Variants in ANKS6 observed in about 807,000 individuals in gnomAD.
ANKS6 encodes the protein ankyrin repeat and sterile alpha motif domain containing 6, also known as ankyrin repeat and SAM domain-containing protein 6.
A neutral mutation model predicts 77.9 loss-of-function variants in ANKS6; 47 were observed. That is an observed-to-expected ratio of 0.60 (90% CI 0.48 to 0.77). The LOEUF is 0.77. Ranked by LOEUF, ANKS6 falls within the 30% of genes least tolerant of loss-of-function variation. The pLI, the probability that ANKS6 is intolerant of heterozygous loss-of-function variation, is 0.00. For missense variants in ANKS6, 1,150 were observed against 1,159.1 expected (o/e 0.99, Z 0.11); for synonymous variants, 488 against 501.7 (o/e 0.97, Z 0.37).
intron 11 of ANKS6, 133 bp from the exon 12 acceptor site, chr9:98,756,736 CT>C: frequency 1.3e-6 from 1 of 757,134 alleles, no homozygotes; most frequent in Non-Finnish European, 1.9e-6. Flanking sequence ...ATGAAATCTA[CT>C]TTTAAAAACA....
At chr9:98,782,155 A>G (rs1258075373) in intron 5 of ANKS6, among the ~76,000 whole-genome samples, 6 of 152,192 alleles carry the variant, frequency 3.9e-5, no homozygotes, top group Non-Finnish European at 7.3e-5. Context: ...CTGGCTGTGA[A>G]GCACAGATGC....
chr9:98,764,848 C>A (rs1383480830), intron 11 of ANKS6, among the ~76,000 whole-genome samples: 2 of 152,136 alleles, frequency 1.3e-5, no homozygotes, highest in African/African-American at 4.8e-5. Flanking sequence ...TATTCTAACA[C>A]CTTTGTCAGA....
At chr9:98,777,557 G>A (rs1833986778) in intron 7 of ANKS6, 103 bp from the exon 8 acceptor site, 6 of 988,842 alleles carry the variant, frequency 6.1e-6, no homozygotes, top group Non-Finnish European at 9.4e-6. Flanking sequence ...AACTCTCCTG[G>A]GTGCTTAAAT....
At chr9:98,767,246 C>T (rs1317309483) in intron 11 of ANKS6, among the ~76,000 whole-genome samples, 1 of 152,188 alleles carries the variant, frequency 6.6e-6, no homozygotes, top group Non-Finnish European at 1.5e-5. Flanking sequence ...CTCTGTCCTG[C>T]TCATGTCCTT....
Position 98,796,516 on chromosome 9 carries a change from C to A in ANKS6, c.-25G>T. ...TCGCCGCCGCCACGCGCGGCCCGCTCCCGTCCGCCCCGCCGGCCGCGTCGG... is the reference window on the plus strand; with the variant it reads ...TCGCCGCCGCCACGCGCGGCCCGCTACCGTCCGCCCCGCCGGCCGCGTCGG... On this transcript the variant is annotated 5_prime_UTR_variant, in exon 1 of 15. Coordinates refer to ENST00000353234, the MANE Select transcript of ANKS6 (RefSeq NM_173551.5). 1.0e-6 allele frequency: 1 copy of A among 983,390 alleles called. No individual in the cohort carries two copies. Among genetic ancestry groups the A allele is most frequent in the Non-Finnish European group, 1.2e-6 (1 of 829,282 alleles). The allele number at this position is 983,390 out of a possible 1,614,324, so 60.9% of individuals were successfully genotyped here.
In ANKS6 at chr9:98,734,514, CT is replaced by C; in HGVS notation, c.*2004del. The stretch of plus-strand genomic sequence containing the variant: ...ACAATTCTAGGCCTACTGTTAACCC[CT>C]GAAGCCATCAGTAAATTAAAACAAG... On this transcript the variant is annotated 3_prime_UTR_variant, in exon 15 of 15. Coordinates refer to ENST00000353234, the MANE Select transcript of ANKS6 (RefSeq NM_173551.5). 1.0e-6 allele frequency: 1 copy of C among 985,452 alleles called. No individual in the cohort carries two copies. Among genetic ancestry groups the C allele is most frequent in the Non-Finnish European group, 1.2e-6 (1 of 829,942 alleles). 61.0% of individuals were successfully genotyped at this position (985,452 alleles called of 1,614,324 possible).
intron 9 of ANKS6, among the ~76,000 whole-genome samples, chr9:98,771,446 G>T (rs559948161): frequency 2.0e-5 from 3 of 152,142 alleles, no homozygotes; most frequent in African/African-American, 7.2e-5. Flanking sequence ...GCCTGCTTCC[G>T]TGATGCTGCC....
In ANKS6 at chr9:98,784,793, TATTCTTAAATATCCAAAAA is replaced by T. The variant is rs1834472448; in HGVS notation, c.907+20_907+38del. 6.4e-7 allele frequency: 1 copy of T among 1,565,838 alleles called. No homozygotes were observed. Among genetic ancestry groups the T allele is most frequent in the African/African-American group, 1.4e-5 (1 of 73,628 alleles). ...ATTAGGTTGGGAGAATGTAGCCCTA[TATTCTTAAATATCCAAAAA>T]GATTTTCTAAAGCGCTTACCCATTT... On this transcript the variant is annotated intron_variant, in intron 3 of 14. Coordinates refer to ENST00000353234, the MANE Select transcript of ANKS6 (RefSeq NM_173551.5).
chr9:98,779,602 G>A (rs1002704593), intron 6 of ANKS6, among the ~76,000 whole-genome samples: 5 of 151,026 alleles, frequency 3.3e-5, no homozygotes, highest in African/African-American at 7.3e-5. Flanking sequence ...TTGTTCTGTC[G>A]CCCAGGCTGG....
chr9:98,741,533 C>A (rs755110759), intron 14 of ANKS6, among the ~76,000 whole-genome samples: 4 of 152,212 alleles, frequency 2.6e-5, no homozygotes, highest in African/African-American at 4.8e-5. Flanking sequence ...TAAAAAAATT[C>A]TTTTCACCAT....
In ANKS6 at chr9:98,745,643, G is replaced by A. The variant is rs770745613; in HGVS notation, c.2427C>T (p.Asp809=). The A allele has an allele frequency of 9.9e-6, 16 of 1,614,032 alleles. No individual in the cohort carries two copies. The highest frequency in any genetic ancestry group is 6.6e-5 in the South Asian group (6 of 91,080). The change falls in exon 14 of 15, where the codon GAC becomes GAT. Residue 809 remains aspartate, a synonymous_variant. Coordinates refer to ENST00000353234, the MANE Select transcript of ANKS6 (RefSeq NM_173551.5). ...VDMEAFLTLT[D]GDLKELGIKT... Reference sequence around the variant, plus strand: ...TAATTCCCAGCTCCTTCAAGTCACCGTCAGTCAGTGTGAGGAACGCTTCCA... The same window carrying A: ...TAATTCCCAGCTCCTTCAAGTCACCATCAGTCAGTGTGAGGAACGCTTCCA...
At chr9:98,741,660 C>T (rs966790212) in intron 14 of ANKS6, among the ~76,000 whole-genome samples, 13 of 152,148 alleles carry the variant, frequency 8.5e-5, no homozygotes, top group African/African-American at 3.1e-4. Flanking sequence ...TCTGGTAAAC[C>T]TCCAATATAT....
Position 98,736,561 on chromosome 9 carries a change from A to G in ANKS6, c.2574T>C (p.Ser858=), listed in dbSNP as rs747452300. The G allele has an allele frequency of 1.2e-6, 2 of 1,613,752 alleles. No individual in the cohort carries two copies. Among genetic ancestry groups the G allele is most frequent in the East Asian group, 2.2e-5 (1 of 44,872 alleles). ...IHNFHSSFES[S]ASNTRAPGNS... Reference sequence around the variant, plus strand: ...TGCCAGGGGCCCTGGTGTTGCTGGCACTGCTCTCAAAGGAAGAGTGAAAGT... The same window carrying G: ...TGCCAGGGGCCCTGGTGTTGCTGGCGCTGCTCTCAAAGGAAGAGTGAAAGT... Residue 858 remains serine (S), a synonymous_variant, in exon 15 of 15, where the codon AGT becomes AGC. Coordinates refer to ENST00000353234, the MANE Select transcript of ANKS6 (RefSeq NM_173551.5).
intron 14 of ANKS6, among the ~76,000 whole-genome samples, chr9:98,742,606 C>T (rs1482520598): frequency 1.3e-5 from 2 of 152,156 alleles, no homozygotes; most frequent in Non-Finnish European, 2.9e-5. Context: ...GGCTCCTTCC[C>T]CTTGCACCTA....
chr9:98,772,380 C>T (rs377702946), intron 9 of ANKS6, among the ~76,000 whole-genome samples: 3 of 152,204 alleles, frequency 2.0e-5, no homozygotes, highest in African/African-American at 7.2e-5. Flanking sequence ...AAGGATCTCC[C>T]CGGAGCCTCC....
chr9:98,745,553 C>T lies in ANKS6; in HGVS notation c.2511+6G>A, dbSNP rs377548307. The T allele has an allele frequency of 4.1e-5, 66 of 1,608,310 alleles. No individual in the cohort carries two copies. The East Asian group carries it at 4.2e-4, about 10-fold the overall frequency. ...ACACGGAAATACAAGAAACAGAGAA[C>T]GGTACCTTGCCTGCGTTCAGTTCAG... is the stretch of plus-strand genomic sequence containing the variant. On this transcript the variant is annotated splice_donor_region_variant and intron_variant, in intron 14 of 14. Transcript: ENST00000353234.
In ANKS6 at chr9:98,745,611, T is replaced by C; in HGVS notation, c.2459A>G (p.Asp820Gly). Residue 820 changes from aspartate (D) to glycine (G), a missense_variant, in exon 14 of 15, where the codon GAT becomes GGT. Coordinates refer to ENST00000353234, the MANE Select transcript of ANKS6 (RefSeq NM_173551.5). ...GDLKELGIKTDGSRQQILAAI... is the reference protein window; with the variant it reads ...GDLKELGIKTGGSRQQILAAI... ...TGCCAGAATCTGCTGCCTGGACCCA[T>C]CTGTCTTAATTCCCAGCTCCTTCAA... 1 of 1,614,152 alleles carries C rather than the reference T, an allele frequency of 6.2e-7. No homozygotes were observed.
chr9:98,791,254 C>A lies in ANKS6; in HGVS notation c.360-648G>T, dbSNP rs758346479. 6.6e-6 allele frequency among the ~76,000 whole-genome samples: 1 copy of A among 152,184 alleles called. No individual in the cohort carries two copies. Among genetic ancestry groups the A allele is most frequent in the Non-Finnish European group, 1.5e-5 (1 of 68,032 alleles). ...CTGATTCATTTCTACCCTCCCCATC[C>A]CCAAAAGCACACACCCCATGCCAAG... On this transcript the variant is annotated intron_variant, in intron 1 of 14. Coordinates refer to ENST00000353234, the MANE Select transcript of ANKS6 (RefSeq NM_173551.5). This position sits in a 1 kb window ranked among gnomAD's most constrained non-coding sequence, Gnocchi z 4.3.
At chr9:98,767,913 C>T (rs185578689) in intron 11 of ANKS6, among the ~76,000 whole-genome samples, 168 bp downstream of exon 11, 2 of 152,224 alleles carry the variant, frequency 1.3e-5, no homozygotes, top group Non-Finnish European at 2.9e-5. Flanking sequence ...ACGCCTGGTG[C>T]GGAGGACCAT....
Sources: allele counts gnomAD v4.1 joint callset (sites outside exome capture counted in the v4.1 genomes callset), GRCh38; gene constraint gnomAD v4.1.1; non-coding constraint Gnocchi (gnomAD v3.1); transcripts MANE v1.5; gene names NCBI Gene and HGNC (gene_info 2026-07-23, HGNC 2026-07-21).